The following CYB561A3 variants were observed in gnomAD, a reference collection of about 807,000 sequenced individuals.
CYB561A3 encodes lysosomal membrane ascorbate-dependent ferrireductase CYB561A3.
A neutral mutation model predicts 25.3 loss-of-function variants in CYB561A3; 16 were observed. The observed-to-expected ratio is 0.63, with a 90% CI of 0.43 to 0.96. The LOEUF (loss-of-function observed/expected upper bound fraction) is 0.96. Among genes scored for constraint, CYB561A3 ranks in the 40% least tolerant of loss-of-function variants. CYB561A3 has a pLI of 0.00. For missense variants in CYB561A3, 219 were observed against 307.5 expected (o/e 0.71, Z 2.15); for synonymous variants, 131 against 129.9 (o/e 1.01, Z -0.06).
chr11:61,350,582 G>A (rs568837799), intron 6 of CYB561A3, 160 bp from the exon 7 acceptor site: 14 of 842,468 alleles, frequency 1.7e-5, no homozygotes, highest in Admixed American at 7.0e-5. Context: ...TACACACCCC[G>A]TCTCCCTACA....
intron 2 of CYB561A3, chr11:61,357,084 C>G: frequency 6.9e-7 from 1 of 1,440,128 alleles, no homozygotes; most frequent in Non-Finnish European, 9.5e-7. Flanking sequence ...CCCATACCCC[C>G]CAGGAAAAAA....
chr11:61,361,578 C>T (rs990295392), intron 1 of CYB561A3, among the ~76,000 whole-genome samples, 155 bp downstream of exon 1: 1 of 152,190 alleles, frequency 6.6e-6, no homozygotes, highest in South Asian at 2.1e-4. Flanking sequence ...TTTATAACCA[C>T]CGCGTTGGAA....
At position 61,350,397 on chromosome 11, in the gene CYB561A3, C is replaced by T; in HGVS notation, c.*2G>A. 6.2e-7 allele frequency: 1 copy of T among 1,610,142 alleles called. No homozygotes were observed. Among genetic ancestry groups the T allele is most frequent in the Non-Finnish European group, 8.5e-7 (1 of 1,178,666 alleles). ...AGCTCTTGGGAGCCCCTTCCTGCTG[C>T]TTCACTCCCCATCATGCAGCAGGGG... On this transcript the variant is annotated 3_prime_UTR_variant, in exon 7 of 7. Transcript: ENST00000294072.
intron 1 of CYB561A3, chr11:61,361,319 T>A (rs1857871222): frequency 6.6e-6 from 1 of 152,184 alleles, no homozygotes; most frequent in African/African-American, 2.4e-5. Flanking sequence ...AGTCGGAACA[T>A]GAGGAGTGAA....
Position 61,349,746 on chromosome 11 carries a change from G to A in CYB561A3, c.*653C>T. ...TCAGCTCCTCAGCAGAAGCTGCGTG[G>A]GCCGCCACTCCCCCTTTCTGCAATC... is the stretch of plus-strand genomic sequence containing the variant. On this transcript the variant is annotated 3_prime_UTR_variant, in exon 7 of 7. Transcript: ENST00000294072. 1 of 669,344 alleles carries A rather than the reference G, an allele frequency of 1.5e-6. No individual in the cohort carries two copies. The highest frequency in any genetic ancestry group is 1.6e-5 in the South Asian group (1 of 63,708). 41.5% of individuals were successfully genotyped at this position (669,344 alleles called of 1,614,324 possible).
chr11:61,352,940 A>G (rs1472226656), intron 5 of CYB561A3, 45 bp downstream of exon 5: 1 of 1,613,948 alleles, frequency 6.2e-7, no homozygotes, highest in Admixed American at 1.7e-5. Flanking sequence ...TGAAGACCCT[A>G]TTCCCTCCTC....
At position 61,349,914 on chromosome 11, in the gene CYB561A3, T is replaced by C. The variant is rs1857319302; in HGVS notation, c.*485A>G. ...ACGGACACCTCACCTCCCTCATGTTTCACACCGTGGACTGCACTTGAGTCC... is the reference window on the plus strand; with the variant it reads ...ACGGACACCTCACCTCCCTCATGTTCCACACCGTGGACTGCACTTGAGTCC... On this transcript the variant is annotated 3_prime_UTR_variant, in exon 7 of 7. Transcript: ENST00000294072. 3.9e-6 allele frequency: 2 copies of C among 509,652 alleles called. No individual in the cohort carries two copies. The highest frequency in any genetic ancestry group is 3.6e-6 in the Non-Finnish European group (1 of 278,800). The allele number at this position is 509,652 out of a possible 1,614,324, so 31.6% of individuals were successfully genotyped here.
intron 3 of CYB561A3, chr11:61,354,828 T>C (rs568613020): frequency 1.3e-5 from 2 of 151,742 alleles, no homozygotes; most frequent in African/African-American, 4.8e-5. Flanking sequence ...TAGGTCCAAA[T>C]CCAGGCTCTG....
chr11:61,350,498 A>AC (rs1857347604), intron 6 of CYB561A3, 76 bp from the exon 7 acceptor site: 4 of 1,565,116 alleles, frequency 2.6e-6, no homozygotes, highest in Admixed American at 3.8e-5. Flanking sequence ...GTTCAGACAG[A>AC]CCCCCAGCCT....
chr11:61,356,874 C>A, intron 2 of CYB561A3, 146 bp from the exon 3 acceptor site: 2 of 1,450,498 alleles, frequency 1.4e-6, no homozygotes, highest in South Asian at 1.5e-5. Flanking sequence ...CACCACCCCC[C>A]GCCCGAGGCC....
At chr11:61,361,990 C>G (rs1295260937), upstream of CYB561A3, 6 of 152,574 alleles carry the variant, frequency 3.9e-5, no homozygotes, top group East Asian at 1.2e-3. Flanking sequence ...CGGCTCCCAG[C>G]GCGCCAAGCT....
intron 3 of CYB561A3, 101 bp downstream of exon 3, chr11:61,356,429 G>GC: frequency 1.4e-5 from 8 of 579,782 alleles, no homozygotes; most frequent in African/African-American, 4.8e-5. Context: ...TACCCCCATA[G>GC]CCCCAAGCCC....
rs1857380530 is a variant in CYB561A3 at position 61,351,040 on chromosome 11, A to G, written c.656T>C (p.Leu219Pro). 1 of 1,614,058 alleles carries G rather than the reference A, an allele frequency of 6.2e-7. No individual in the cohort carries two copies. The highest frequency in any genetic ancestry group is 2.2e-5 in the East Asian group (1 of 44,860). ...CTCTGGGCGCTTCCAAGATGAAGCC[A>G]GAAGGATGTAGAGCACCAGCAGCCC... ...AFGLLVLYIL[L>P]ASSWKRPEPG... The change falls in exon 6 of 7, where the codon CTG (leucine) becomes CCG (proline). Residue 219 changes from leucine (L) to proline (P), a missense_variant. Leu to Pro is a moderately conservative substitution (Grantham distance 98). Coordinates refer to ENST00000294072, the MANE Select transcript of CYB561A3 (RefSeq NM_153611.6).
rs1565068407 is a variant in CYB561A3, at chr11:61,353,908, G to T, written c.269C>A (p.Ala90Asp). Residue 90 changes from alanine (A) to aspartate (D), a missense_variant, in exon 4 of 7, where the codon GCC becomes GAC. Coordinates refer to ENST00000294072, the MANE Select transcript of CYB561A3 (RefSeq NM_153611.6). Reference sequence around the variant, plus strand: ...CAGCCCCACAACAGTGAGGACGAAGGCCATCAGGTGCAGCGCTGCATGGAG... The same window carrying T: ...CAGCCCCACAACAGTGAGGACGAAGTCCATCAGGTGCAGCGCTGCATGGAG... ...KLLHAALHLM[A>D]FVLTVVGLVA... The T allele has an allele frequency of 6.2e-7, 1 of 1,614,214 alleles. No homozygotes were observed. The highest frequency in any genetic ancestry group is 8.5e-7 in the Non-Finnish European group (1 of 1,180,044).
chr11:61,355,422 G>A (rs1857611967), intron 3 of CYB561A3, among the ~76,000 whole-genome samples: 1 of 152,022 alleles, frequency 6.6e-6, no homozygotes, highest in Admixed American at 6.5e-5. Flanking sequence ...GCTCACACCT[G>A]TAATCCCAGC....
At chr11:61,351,265 T>A (rs984309891) in intron 5 of CYB561A3, 118 bp from the exon 6 acceptor site, 2 of 1,019,910 alleles carry the variant, frequency 2.0e-6, no homozygotes, top group African/African-American at 1.7e-5. Context: ...ATATGTGATC[T>A]AGAATTTTAA....
In CYB561A3 at chr11:61,349,726, T is replaced by C. The variant is rs892908105; in HGVS notation, c.*673A>G. 5.1e-4 allele frequency: 348 copies of C among 684,664 alleles called. 3 individuals are homozygous for C. The highest frequency in any genetic ancestry group is 8.3e-5 in the Non-Finnish European group (31 of 371,992). 42.4% of individuals were successfully genotyped at this position (684,664 alleles called of 1,614,324 possible). Reference sequence around the variant, plus strand: ...AACAGAACAGCTCAGAGCGGTCAGCTCCTCAGCAGAAGCTGCGTGGGCCGC... The same window carrying C: ...AACAGAACAGCTCAGAGCGGTCAGCCCCTCAGCAGAAGCTGCGTGGGCCGC... On this transcript the variant is annotated 3_prime_UTR_variant, in exon 7 of 7. Coordinates refer to ENST00000294072, the MANE Select transcript of CYB561A3 (RefSeq NM_153611.6).
intron 3 of CYB561A3, chr11:61,354,238 C>T: frequency 1.9e-6 from 1 of 536,046 alleles, no homozygotes; most frequent in East Asian, 3.3e-5. Context: ...GCCTGTAATT[C>T]CAGCACTTTT....
In CYB561A3 at chr11:61,349,589, C is replaced by CA; in HGVS notation, c.*809dup. ...GATTTGTAGGGCTGCCTGCCGGTGA[C>CA]AGACACGTAAGTCACAGGGAAAGGC... On this transcript the variant is annotated 3_prime_UTR_variant, in exon 7 of 7. Coordinates refer to ENST00000294072, the MANE Select transcript of CYB561A3 (RefSeq NM_153611.6). 1 of 702,986 alleles carries CA rather than the reference C, an allele frequency of 1.4e-6. No homozygotes were observed. The highest frequency in any genetic ancestry group is 2.6e-6 in the Non-Finnish European group (1 of 385,002). The allele number at this position is 702,986 out of a possible 1,614,324, so 43.5% of individuals were successfully genotyped here.
Sources: gnomAD v4.1 joint callset for allele counts (sites outside exome capture counted in the v4.1 genomes callset) on GRCh38, gnomAD v4.1.1 for gene constraint, MANE v1.5 for transcripts, NCBI Gene and HGNC (gene_info 2026-07-23, HGNC 2026-07-21) for gene names.